TF: variants seen among roughly 807,000 people sequenced by gnomAD.
TF encodes the protein transferrin.
TF carries 55 observed loss-of-function variants against 82.4 expected under a neutral mutation model. That is an observed-to-expected ratio of 0.67 (90% confidence interval 0.54 to 0.84). TF has a LOEUF of 0.84. Among genes scored for constraint, TF ranks in the 40% least tolerant of loss-of-function variants. TF has a pLI of 0.00. For missense variants in TF, 737 were observed against 868.4 expected, an observed-to-expected ratio of 0.85 and a Z score of 1.90; for synonymous variants, 332 against 332.6, an observed-to-expected ratio of 1.00 and a Z score of 0.02.
upstream of TF, among the ~76,000 whole-genome samples, chr3:133,742,979 T>TA (rs1251957763): frequency 2.0e-5 from 3 of 152,166 alleles, no homozygotes; most frequent in East Asian, 5.8e-4. Flanking sequence ...AAGCTTCCTT[T>TA]ATGTCCTCTA....
the TF span, among the ~76,000 whole-genome samples, chr3:133,738,890 AAAGTAATTT>A: frequency 6.6e-6 from 1 of 152,040 alleles, no homozygotes; most frequent in African/African-American, 2.4e-5. Flanking sequence ...CATACTGCCC[AAAGTAATTT>A]ACAGATTCAA....
At chr3:133,666,015 G>T in the TF span, among the ~76,000 whole-genome samples, 1 of 151,332 alleles carries the variant, frequency 6.6e-6, no homozygotes, top group Non-Finnish European at 1.5e-5. Context: ...CAATGTGGGT[G>T]GTGGGAATAT....
At chr3:133,681,848 A>C in the TF span, among the ~76,000 whole-genome samples, 13 of 152,270 alleles carry the variant, frequency 8.5e-5, no homozygotes, top group Admixed American at 8.5e-4. Context: ...CTTTGAAGAG[A>C]GTAGTGGTTC....
chr3:133,672,218 A>C, the TF span, among the ~76,000 whole-genome samples: 1 of 152,196 alleles, frequency 6.6e-6, no homozygotes, highest in African/African-American at 2.4e-5. Context: ...TCAATCTGTT[A>C]TCAAAAACTT....
the TF span, among the ~76,000 whole-genome samples, chr3:133,723,558 G>C: frequency 6.9e-6 from 1 of 145,468 alleles, no homozygotes; most frequent in African/African-American, 2.5e-5. Context: ...GCTTGATTTA[G>C]TCTGTTGATG....
chr3:133,684,754 C>G, the TF span, among the ~76,000 whole-genome samples: 3 of 152,186 alleles, frequency 2.0e-5, no homozygotes, highest in African/African-American at 7.2e-5. Context: ...GACGGATTCA[C>G]AGCCAAATTC....
chr3:133,678,053 C>T, the TF span, among the ~76,000 whole-genome samples: 1 of 152,096 alleles, frequency 6.6e-6, no homozygotes, highest in Non-Finnish European at 1.5e-5. Flanking sequence ...CTCTTCCCCT[C>T]CCTGTGTCCA....
the TF span, among the ~76,000 whole-genome samples, chr3:133,682,697 T>C: frequency 3.3e-5 from 5 of 151,946 alleles, no homozygotes; most frequent in Non-Finnish European, 7.4e-5. Flanking sequence ...CTCCAAGAAA[T>C]ATGGGACTAT....
At chr3:133,722,984 C>T in the TF span, among the ~76,000 whole-genome samples, 1 of 152,146 alleles carries the variant, frequency 6.6e-6, no homozygotes, top group South Asian at 2.1e-4. Flanking sequence ...ATTCTCTTAA[C>T]TTTTGCTTGT....
At chr3:133,675,208 G>A in the TF span, among the ~76,000 whole-genome samples, 1 of 130,624 alleles carries the variant, frequency 7.7e-6, no homozygotes, top group African/African-American at 3.0e-5. Context: ...TCACGCCACT[G>A]CATTCCAGCC....
chr3:133,687,742 C>T, the TF span, among the ~76,000 whole-genome samples: 143 of 152,304 alleles, frequency 9.4e-4, 2 homozygotes, highest in East Asian at 0.022. Flanking sequence ...TTCATTTACA[C>T]TGCAGCATGT....
At chr3:133,682,924 A>T in the TF span, among the ~76,000 whole-genome samples, 1 of 152,230 alleles carries the variant, frequency 6.6e-6, no homozygotes, top group Non-Finnish European at 1.5e-5. Flanking sequence ...AGTTGAAATG[A>T]GGGAAAAAAT....
the TF span, among the ~76,000 whole-genome samples, chr3:133,723,625 C>G: frequency 4.8e-5 from 6 of 124,448 alleles, no homozygotes; most frequent in East Asian, 1.6e-3. Flanking sequence ...TTCACAATAT[C>G]TGTTTGGTTC....
the TF span, among the ~76,000 whole-genome samples, chr3:133,734,371 T>G: frequency 6.6e-6 from 1 of 152,190 alleles, no homozygotes; most frequent in Non-Finnish European, 1.5e-5. Flanking sequence ...CAAAGTAGGC[T>G]TGAATGTCTT....
chr3:133,773,468 G>A (rs1179259320), intron 14 of TF: 1 of 147,848 alleles, frequency 6.8e-6, no homozygotes, highest in African/African-American at 2.5e-5. Flanking sequence ...AGCCCACATG[G>A]GCTCTTTTAT....
In TF at chr3:133,781,906, ATATC is replaced by A. The variant is rs1398148558; in HGVS notation, c.*3289_*3292del. 6.6e-6 allele frequency: 1 copy of A among 152,238 alleles called. No homozygotes were observed. The highest frequency in any genetic ancestry group is 1.5e-5 in the Non-Finnish European group (1 of 68,046). 9.4% of individuals were successfully genotyped at this position (152,238 alleles called of 1,614,324 possible). A position where few individuals can be genotyped will look rare whatever the true frequency, so the allele number is the denominator to read the frequency against. Reference sequence around the variant, plus strand: ...ATTGGAAAAAATATTTGCAAACTATATATCTAATAAGATACAACAAATTGATAAA... The same window carrying A: ...ATTGGAAAAAATATTTGCAAACTATATAATAAGATACAACAAATTGATAAA... On this transcript the variant is annotated 3_prime_UTR_variant, in exon 17 of 17. Transcript: ENST00000402696.
chr3:133,779,228 A>G lies in TF; in HGVS notation c.*608A>G, dbSNP rs1443151659. 1 of 154,292 alleles carries G rather than the reference A, an allele frequency of 6.5e-6. No individual in the cohort carries two copies. The highest frequency in any genetic ancestry group is 2.4e-5 in the African/African-American group (1 of 41,470). 9.6% of individuals were successfully genotyped at this position (154,292 alleles called of 1,614,324 possible). ...ACTGACATCTTTTTTGCTGAAAAGCATTCCCTGAGCTTGATGCCACAGCAG... is the reference window on the plus strand; with the variant it reads ...ACTGACATCTTTTTTGCTGAAAAGCGTTCCCTGAGCTTGATGCCACAGCAG... On this transcript the variant is annotated 3_prime_UTR_variant, in exon 17 of 17. Coordinates refer to ENST00000402696, the MANE Select transcript of TF (RefSeq NM_001063.4).
chr3:133,670,005 T>C, the TF span, among the ~76,000 whole-genome samples: 1 of 152,142 alleles, frequency 6.6e-6, no homozygotes, highest in Non-Finnish European at 1.5e-5. Flanking sequence ...TTGGAAACAG[T>C]TTAAACAAAC....
At chr3:133,675,720 C>T in the TF span, among the ~76,000 whole-genome samples, 37 of 152,274 alleles carry the variant, frequency 2.4e-4, no homozygotes, top group Non-Finnish European at 4.4e-4. Flanking sequence ...GCCAGGCTTG[C>T]GAAGAATTTC....
Sources: allele counts gnomAD v4.1 joint callset (sites outside exome capture counted in the v4.1 genomes callset), GRCh38; gene constraint gnomAD v4.1.1; transcripts MANE v1.5; gene names NCBI Gene and HGNC (gene_info 2026-07-23, HGNC 2026-07-21).